The following PUDP variants were observed in gnomAD, a reference collection of about 807,000 sequenced individuals.
The protein encoded by PUDP is pseudouridine 5'-phosphatase, also known as pseudouridine-5'-phosphatase.
A neutral mutation model predicts 9.4 loss-of-function variants in PUDP; 8 were observed. That is an observed-to-expected ratio of 0.85 (90% CI 0.50 to 1.53). The LOEUF is 1.53. Among genes scored for constraint, PUDP ranks in the 40% most tolerant of loss-of-function variants. The pLI is 0.00. For synonymous variants in PUDP, 99 were observed against 80.7 expected (o/e 1.23, Z -1.22); for missense variants, 188 against 189.7 (o/e 0.99, Z 0.05).
At chrX:6,918,131 A>C (rs1439096113) in intron 3 of PUDP, among the ~76,000 whole-genome samples, 1 of 112,360 alleles carries the variant, frequency 8.9e-6, no homozygotes, top group Non-Finnish European at 1.9e-5. Flanking sequence ...TGCCTGAGAT[A>C]CCAGATCTTA....
chrX:6,940,898 T>C (rs1928388731), intron 3 of PUDP, among the ~76,000 whole-genome samples: 1 of 112,093 alleles, frequency 8.9e-6, no homozygotes, highest in Admixed American at 9.5e-5. Flanking sequence ...ATTTCAATTT[T>C]CACTGAGTGA....
At chrX:7,133,065 T>C (rs1569168626) in intron 1 of PUDP, among the ~76,000 whole-genome samples, 2 of 112,254 alleles carry the variant, frequency 1.8e-5, no homozygotes, top group African/African-American at 3.2e-5. Flanking sequence ...TGGCAAGGAA[T>C]TGAAGACTGG....
At chrX:7,003,255 C>A (rs1053991177) in intron 1 of PUDP, among the ~76,000 whole-genome samples, 2 of 111,012 alleles carry the variant, frequency 1.8e-5, no homozygotes, top group African/African-American at 6.6e-5. Context: ...GAGGGTAAAA[C>A]TATAAAGAAA....
rs1324447061 is a variant in PUDP, at chrX:7,084,446, G to A, written c.281-6997C>T. Among the ~76,000 whole-genome samples the A allele has an allele frequency of 7.1e-5, 8 of 111,989 alleles. No individual in the cohort carries two copies. The Admixed American group carries it at 7.6e-4, about 11-fold the overall frequency. ...CCTTGCAGTACATGTGTGCAGCATG[G>A]AATAGAAAGTGATTTCAGATACATA... is the stretch of plus-strand genomic sequence containing the variant. On this transcript the variant is annotated intron_variant, in intron 2 of 3. Transcript: ENST00000381077.
intron 1 of PUDP, chrX:6,989,923 T>C (rs372869396): frequency 1.8e-5 from 2 of 111,567 alleles, no homozygotes; most frequent in Non-Finnish European, 3.8e-5. Context: ...TGTTCGGAGC[T>C]AGCAGAAAAG....
chrX:6,820,762 C>T (rs1926328538), intron 3 of PUDP, among the ~76,000 whole-genome samples: 1 of 112,131 alleles, frequency 8.9e-6, no homozygotes, highest in South Asian at 3.7e-4. Context: ...TACAGCCTCC[C>T]TCTCGGCTGA....
rs774452541 is a variant in PUDP at position 6,790,124 on chromosome X, G to T, written c.*248-83658C>A. Among the ~76,000 whole-genome samples the T allele has an allele frequency of 1.8e-4, 20 of 111,571 alleles. No individual in the cohort carries two copies. The East Asian group carries it at 5.7e-3, about 32-fold the overall frequency. On this transcript the variant is annotated intron_variant and NMD_transcript_variant, in intron 3 of 3. Transcript: ENST00000655425. ...TAGATCATAGAGAAAGACGATAGATGATAGATATATACAGATGTAGATAGG... is the reference window on the plus strand; with the variant it reads ...TAGATCATAGAGAAAGACGATAGATTATAGATATATACAGATGTAGATAGG...
intron 2 of PUDP, among the ~76,000 whole-genome samples, chrX:7,082,591 A>G (rs768695593): frequency 2.4e-4 from 27 of 112,356 alleles, no homozygotes; most frequent in Non-Finnish European, 4.1e-4. Context: ...GAAGTGAGAC[A>G]TGGAAGACAG....
intron 3 of PUDP, among the ~76,000 whole-genome samples, chrX:6,839,339 C>T (rs1229569201): frequency 9.0e-6 from 1 of 111,365 alleles, no homozygotes; most frequent in Non-Finnish European, 1.9e-5. Context: ...TCTGATTTTC[C>T]TTTTTCCTAT....
At chrX:6,985,184 C>A (rs1222984095) in intron 1 of PUDP, among the ~76,000 whole-genome samples, 1 of 111,935 alleles carries the variant, frequency 8.9e-6, no homozygotes, top group African/African-American at 3.2e-5. Context: ...TATCACCAGA[C>A]CAACTCAAAA....
chrX:7,145,072 G>GCCTGAAATGAGGCTA (rs1221449697), intron 1 of PUDP, among the ~76,000 whole-genome samples: 2 of 111,647 alleles, frequency 1.8e-5, no homozygotes, highest in African/African-American at 6.5e-5. Flanking sequence ...GCTACAGAGT[G>GCCTGAAATGAGGCTA]CCTGAAATGA....
chrX:7,080,534 C>T (rs1931049528), intron 2 of PUDP, among the ~76,000 whole-genome samples: 1 of 111,966 alleles, frequency 8.9e-6, no homozygotes, highest in Non-Finnish European at 1.9e-5. Flanking sequence ...CATGAACATA[C>T]ATACACATAC....
chrX:7,061,239 C>T (rs1930392200), intron 3 of PUDP, among the ~76,000 whole-genome samples: 1 of 111,324 alleles, frequency 9.0e-6, no homozygotes, highest in Admixed American at 9.6e-5. Context: ...CATTCATGAT[C>T]ACCCCCAAAA....
At chrX:6,921,122 C>T (rs1259443149) in intron 3 of PUDP, among the ~76,000 whole-genome samples, 2 of 111,243 alleles carry the variant, frequency 1.8e-5, no homozygotes, top group Admixed American at 9.6e-5. Flanking sequence ...CTGTGGCTCA[C>T]ACCTGTAATC....
At chrX:7,028,876 T>C (rs1929755550) in intron 1 of PUDP, among the ~76,000 whole-genome samples, 1 of 111,768 alleles carries the variant, frequency 8.9e-6, no homozygotes, top group Non-Finnish European at 1.9e-5. Flanking sequence ...TGGTTCCTCC[T>C]GAGGCCTCTC....
chrX:6,885,385 C>T (rs1198763865), intron 3 of PUDP, among the ~76,000 whole-genome samples: 1 of 111,818 alleles, frequency 8.9e-6, no homozygotes, highest in African/African-American at 3.2e-5. Context: ...TTTGGATCTA[C>T]TGAAGAGCAG....
At chrX:6,707,071 T>C (rs916185622) in intron 1 of PUDP, among the ~76,000 whole-genome samples, 13 of 111,762 alleles carry the variant, frequency 1.2e-4, no homozygotes, top group African/African-American at 3.9e-4. Context: ...TCAAGTAAAA[T>C]ATCTATGATT....
At chrX:6,926,891 A>G (rs1370839841) in intron 3 of PUDP, among the ~76,000 whole-genome samples, 1 of 98,427 alleles carries the variant, frequency 1.0e-5, no homozygotes, top group Non-Finnish European at 2.1e-5. Context: ...GTTCTTAGCC[A>G]TGACCTCTAA....
At chrX:6,731,018 G>A (rs1026166863) in intron 3 of PUDP, among the ~76,000 whole-genome samples, 3 of 111,544 alleles carry the variant, frequency 2.7e-5, no homozygotes. Context: ...CTCAACTGTA[G>A]AACATCTATA....
Sources: allele counts gnomAD v4.1 joint callset (sites outside exome capture counted in the v4.1 genomes callset), GRCh38; gene constraint gnomAD v4.1.1; transcripts MANE v1.5; gene names NCBI Gene and HGNC (gene_info 2026-07-23, HGNC 2026-07-21).